Variants in ZNF618 observed in about 807,000 individuals in gnomAD.
ZNF618 encodes neural precursor cell expressed, developmentally down-regulated 10.
Under a neutral mutation model 103.0 loss-of-function variants are expected in ZNF618, and 34 were observed. The observed-to-expected ratio is 0.33, with a 90% CI of 0.25 to 0.44. ZNF618 has a LOEUF of 0.44. Among genes scored for constraint, ZNF618 ranks in the 20% least tolerant of loss-of-function variants. The probability of loss-of-function intolerance (pLI) is 1.00; values close to 1 mark genes in which losing one functional copy is unlikely to be tolerated. For synonymous variants in ZNF618, 551 were observed against 542.2 expected, an observed-to-expected ratio of 1.02 and a Z score of -0.23; for missense variants, 1,059 against 1,295.4, an observed-to-expected ratio of 0.82 and a Z score of 2.80.
intron 1 of ZNF618, among the ~76,000 whole-genome samples, chr9:113,957,892 G>C (rs1836461321): frequency 6.6e-6 from 1 of 150,860 alleles, no homozygotes; most frequent in East Asian, 1.9e-4. Flanking sequence ...CTGAGTCTCA[G>C]CTTGGTGAGG....
chr9:113,973,918 G>C (rs928391021), intron 2 of ZNF618, among the ~76,000 whole-genome samples: 3 of 152,212 alleles, frequency 2.0e-5, no homozygotes, highest in African/African-American at 7.2e-5. Flanking sequence ...TGCCCAACAA[G>C]TGAACAGGAT....
intron 1 of ZNF618, among the ~76,000 whole-genome samples, chr9:113,930,258 A>G (rs1371649910): frequency 2.0e-5 from 3 of 152,226 alleles, no homozygotes; most frequent in African/African-American, 7.2e-5. Context: ...GATGTTACTT[A>G]AGTCATTTAG....
chr9:114,013,538 C>T (rs1240849703), intron 9 of ZNF618, among the ~76,000 whole-genome samples: 1 of 152,228 alleles, frequency 6.6e-6, no homozygotes, highest in Non-Finnish European at 1.5e-5. Flanking sequence ...TCACACCATT[C>T]TCCTGCCTCA....
intron 3 of ZNF618, among the ~76,000 whole-genome samples, chr9:113,995,049 G>C (rs1276271876): frequency 6.6e-6 from 1 of 151,916 alleles, no homozygotes; most frequent in South Asian, 2.1e-4. Context: ...AAAAACATAT[G>C]AACAAGCCTA....
intron 1 of ZNF618, among the ~76,000 whole-genome samples, chr9:113,908,951 T>TATGGG (rs1315075826): frequency 1.3e-5 from 2 of 151,834 alleles, no homozygotes; most frequent in East Asian, 3.9e-4. Context: ...GTTTTAGTCC[T>TATGGG]CCTTTTTAGT....
rs1337925637 is a variant in ZNF618, at chr9:114,056,458, T to A, written c.*6291T>A. 1 of 152,230 alleles carries A rather than the reference T, an allele frequency of 6.6e-6. No homozygotes were observed. The highest frequency in any genetic ancestry group is 1.5e-5 in the Non-Finnish European group (1 of 68,040). The allele number at this position is 152,230 out of a possible 1,614,324, so 9.4% of individuals were successfully genotyped here. ...TTCAGTACCTCCCCTGCCCCCCGAA[T>A]TCTTGCAGCACTATTTCCCAGTTGG... On this transcript the variant is annotated 3_prime_UTR_variant, in exon 15 of 15. Coordinates refer to ENST00000374126, the MANE Select transcript of ZNF618 (RefSeq NM_001318042.2).
In ZNF618 at chr9:113,933,138, G is replaced by A. The variant is rs144138456; in HGVS notation, c.34-35979G>A. Among the ~76,000 whole-genome samples the A allele has an allele frequency of 5.3e-3, 808 of 152,288 alleles. 7 individuals carry two copies. The highest frequency in any genetic ancestry group is 0.019 in the African/African-American group (777 of 41,544). ...GGGTTTGGCAGCACTGGGCACTGGTGACTTTGGGAAGATGACTTCAGTGGA... is the reference window on the plus strand; with the variant it reads ...GGGTTTGGCAGCACTGGGCACTGGTAACTTTGGGAAGATGACTTCAGTGGA... On this transcript the variant is annotated intron_variant, in intron 1 of 14. Transcript: ENST00000374126.
chr9:113,993,835 G>A (rs973949495), intron 3 of ZNF618, among the ~76,000 whole-genome samples: 5 of 152,228 alleles, frequency 3.3e-5, no homozygotes, highest in Admixed American at 1.3e-4. Context: ...TGCAAGGTGC[G>A]CATGGAGCAG....
At chr9:113,973,794 C>G (rs749802495) in intron 2 of ZNF618, among the ~76,000 whole-genome samples, 5 of 152,150 alleles carry the variant, frequency 3.3e-5, no homozygotes, top group Non-Finnish European at 5.9e-5. Context: ...CTTTTGTCAG[C>G]TGAGGATTTT....
At chr9:113,964,750 CTTTTTTTTTTT>C (rs765191153) in intron 1 of ZNF618, among the ~76,000 whole-genome samples, 3 of 98,488 alleles carry the variant, frequency 3.0e-5, no homozygotes, top group Admixed American at 1.0e-4. Flanking sequence ...CTCCTTTCTG[CTTTTTTTTTTT>C]TTTTTTTTTT....
At chr9:113,930,288 C>T (rs937835437) in intron 1 of ZNF618, among the ~76,000 whole-genome samples, 9 of 152,200 alleles carry the variant, frequency 5.9e-5, no homozygotes, top group Non-Finnish European at 1.2e-4. Context: ...AAGCGTTGCA[C>T]ATGCTTTGTT....
At chr9:113,935,541 A>G (rs1020023627) in intron 1 of ZNF618, among the ~76,000 whole-genome samples, 2 of 152,070 alleles carry the variant, frequency 1.3e-5, no homozygotes, top group African/African-American at 4.8e-5. Flanking sequence ...GTGTCACTCC[A>G]CAGAATGAGC....
Position 114,050,398 on chromosome 9 carries a change from G to A in ZNF618, c.*231G>A. The stretch of plus-strand genomic sequence containing the variant: ...TGCTGTGGTTGTGGGGGTGTGGGGG[G>A]GTCTCTGTGCTCATCTCCATGGCCA... On this transcript the variant is annotated 3_prime_UTR_variant, in exon 15 of 15. Transcript: ENST00000374126. The A allele has an allele frequency of 2.1e-6, 1 of 479,678 alleles. No individual in the cohort carries two copies. 29.7% of individuals were successfully genotyped at this position (479,678 alleles called of 1,614,324 possible).
At chr9:114,025,039 T>C (rs1323700875) in intron 10 of ZNF618, among the ~76,000 whole-genome samples, 2 of 152,214 alleles carry the variant, frequency 1.3e-5, no homozygotes, top group Admixed American at 6.5e-5. Flanking sequence ...TCATGTTTTC[T>C]CTCCTGAATC....
At chr9:114,027,525 C>G (rs777028653) in intron 10 of ZNF618, among the ~76,000 whole-genome samples, 2 of 152,244 alleles carry the variant, frequency 1.3e-5, no homozygotes, top group South Asian at 2.1e-4. Flanking sequence ...CATAGAGTGG[C>G]TTTTTCTTTT....
rs762344196 is a variant in ZNF618 at position 114,016,722 on chromosome 9, G to A, written c.782G>A (p.Cys261Tyr). ...ACTGGCAATTACACCTGTGAATTCT[G>A]CGGCAAACAGTACAAGTACTACACT... ...PKTGNYTCEF[C>Y]GKQYKYYTPY... Residue 261 changes from cysteine to tyrosine, a missense_variant, in exon 10 of 15, where the codon TGC (cysteine) becomes TAC (tyrosine). Physicochemically the swap from Cys to Tyr is radical, Grantham distance 194 (BLOSUM62 -2). This residue lies in a region of ZNF618 where 434 missense variants were observed against 476.0 expected (regional missense o/e 0.91). Transcript: ENST00000374126. 6.2e-7 allele frequency: 1 copy of A among 1,613,770 alleles called. No homozygotes were observed. The highest frequency in any genetic ancestry group is 1.3e-5 in the African/African-American group (1 of 74,990).
chr9:113,921,604 A>G (rs1832657727), intron 1 of ZNF618, among the ~76,000 whole-genome samples: 1 of 152,186 alleles, frequency 6.6e-6, no homozygotes, highest in Non-Finnish European at 1.5e-5. Flanking sequence ...CTTGGAACTG[A>G]CCAGCTGGGA....
chr9:114,003,019 G>A (rs1476002188), intron 6 of ZNF618, among the ~76,000 whole-genome samples: 2 of 152,222 alleles, frequency 1.3e-5, no homozygotes, highest in Admixed American at 1.3e-4. Flanking sequence ...CATCTCCCAT[G>A]GGTGCCCTGG....
At chr9:113,955,314 C>A (rs1277509728) in intron 1 of ZNF618, among the ~76,000 whole-genome samples, 2 of 150,490 alleles carry the variant, frequency 1.3e-5, no homozygotes, top group African/African-American at 2.5e-5. Context: ...CCCACCCCCA[C>A]ACTGCAAAGA....
Sources: allele counts gnomAD v4.1 joint callset (sites outside exome capture counted in the v4.1 genomes callset), GRCh38; gene constraint gnomAD v4.1.1; regional missense constraint gnomAD v4.1.1; transcripts MANE v1.5; gene names NCBI Gene and HGNC (gene_info 2026-07-23, HGNC 2026-07-21).